The following CARMIL3 variants were observed in gnomAD, a reference collection of about 807,000 sequenced individuals.
CARMIL3 encodes the protein capping protein regulator and myosin 1 linker 3.
A neutral mutation model predicts 180.8 loss-of-function variants in CARMIL3; 88 were observed. That is an observed-to-expected ratio of 0.49 (90% confidence interval 0.41 to 0.58). CARMIL3 has a LOEUF of 0.58. Ranked by LOEUF, CARMIL3 falls within the 20% of genes least tolerant of loss-of-function variation. CARMIL3 has a pLI of 0.00. For missense variants in CARMIL3, 1,548 were observed against 1,787.0 expected (o/e 0.87, Z 2.41); for synonymous variants, 696 against 714.5 (o/e 0.97, Z 0.41).
chr14:24,053,477 G>A (rs775805313), intron 1 of CARMIL3, among the ~76,000 whole-genome samples: 13 of 152,180 alleles, frequency 8.5e-5, no homozygotes, highest in Admixed American at 3.3e-4. Context: ...ATCAGGAGCC[G>A]GAGTTTTCTC....
In CARMIL3 at chr14:24,057,187, C is replaced by T; in HGVS notation, c.1083C>T (p.Ala361=). The T allele has an allele frequency of 6.2e-7, 1 of 1,614,052 alleles. No homozygotes were observed. Among genetic ancestry groups the T allele is most frequent in the African/African-American group, 1.3e-5 (1 of 75,024 alleles). The part of the protein sequence containing the change: ...DEANALYSFL[A]QPNALVHLDL... ...TCCAGGCCCTCTACAGTTTCCTGGC[C>T]CAACCCAACGCCCTGGTGCACCTGG... Residue 361 remains alanine (A), a synonymous_variant, in exon 14 of 40, where the codon GCC becomes GCT. Coordinates refer to ENST00000342740, the MANE Select transcript of CARMIL3 (RefSeq NM_138360.4).
chr14:24,060,249 C>T lies in CARMIL3; in HGVS notation c.2055C>T (p.Ala685=), dbSNP rs368927916. The T allele has an allele frequency of 4.5e-5, 73 of 1,613,980 alleles. No homozygotes were observed. The Middle Eastern group carries it at 9.9e-4, about 22-fold the overall frequency. ...RLQQGLVTSS[A]EQMLQRLCGR... ...AGCAGGGCCTGGTGACCAGCAGCGC[C>T]GAGCAAGTAAACGTTTCCCTCTGGG... The change falls in exon 24 of 40, where the codon GCC becomes GCT. Residue 685 remains alanine (A), a synonymous_variant. Transcript: ENST00000342740.
intron 36 of CARMIL3, 119 bp downstream of exon 36, chr14:24,066,775 A>ACGCAGTGAGAAGTCAG: frequency 1.0e-6 from 1 of 998,664 alleles, no homozygotes; most frequent in South Asian, 1.5e-5. Context: ...TGAGAAGTCA[A>ACGCAGTGAGAAGTCAG]CACAGTGAAA....
rs182863944 is a variant in CARMIL3 at position 24,062,078 on chromosome 14, A to G, written c.2481-402A>G. The G allele has an allele frequency of 1.0e-3, 313 of 312,168 alleles. 1 individual carries two copies. Among genetic ancestry groups the G allele is most frequent in the Admixed American group, 1.5e-3 (33 of 21,920 alleles). 19.3% of individuals were successfully genotyped at this position (312,168 alleles called of 1,614,324 possible). ...TGCCACCACTCACCAAACCAAAGGA[A>G]AACTAGTACACATACCTATGAAACA... On this transcript the variant is annotated intron_variant, in intron 27 of 39. Coordinates refer to ENST00000342740, the MANE Select transcript of CARMIL3 (RefSeq NM_138360.4).
rs12431777 is a variant in CARMIL3 at position 24,053,983 on chromosome 14, G to C, written c.136-105G>C. 15 of 1,346,952 alleles carry C rather than the reference G, an allele frequency of 1.1e-5. No homozygotes were observed. In the South Asian group the frequency reaches 1.9e-4, roughly 17 times the overall value. 83.4% of individuals were successfully genotyped at this position (1,346,952 alleles called of 1,614,324 possible). The stretch of plus-strand genomic sequence containing the variant: ...GTCCAGAAGTCTAGGGTAGGGCATC[G>C]GGTTGGGGAGACACTCCAAGAGCAG... On this transcript the variant is annotated intron_variant, in intron 2 of 39. Coordinates refer to ENST00000342740, the MANE Select transcript of CARMIL3 (RefSeq NM_138360.4).
In CARMIL3 at chr14:24,066,562, T is replaced by C. The variant is rs745672702; in HGVS notation, c.3593-5T>C. 6.2e-7 allele frequency: 1 copy of C among 1,614,064 alleles called. No homozygotes were observed. The highest frequency in any genetic ancestry group is 8.5e-7 in the Non-Finnish European group (1 of 1,179,972). On this transcript the variant is annotated splice_region_variant and splice_polypyrimidine_tract_variant and intron_variant, in intron 35 of 39. Transcript: ENST00000342740. ...TCTCTTTCTCATCCCCTCTCTCTACTCCAGGGCCTGGATCCTGGAAGCCCC... is the reference window on the plus strand; with the variant it reads ...TCTCTTTCTCATCCCCTCTCTCTACCCCAGGGCCTGGATCCTGGAAGCCCC...
In CARMIL3 at chr14:24,066,605, A is replaced by G; in HGVS notation, c.3631A>G (p.Thr1211Ala). The change falls in exon 36 of 40, where the codon ACC (threonine) becomes GCC (alanine). Residue 1211 changes from threonine to alanine, a missense_variant. Around this residue, in one of 4 missense-constraint regions of CARMIL3, gnomAD observed 668 missense variants for 687.8 expected, o/e 0.97. Transcript: ENST00000342740. The stretch of plus-strand genomic sequence containing the variant: ...GAAGCCCCCACCACCGCCCCAAAGC[A>G]CCAAACCAAGCTTCAGCGCCATGCG... ...SWKPPPPPQSTKPSFSAMRRA... is the reference protein window; with the variant it reads ...SWKPPPPPQSAKPSFSAMRRA... The G allele has an allele frequency of 1.3e-5, 21 of 1,614,104 alleles. No homozygotes were observed. Among genetic ancestry groups the G allele is most frequent in the Non-Finnish European group, 1.7e-5 (20 of 1,180,008 alleles).
chr14:24,068,215 G>A (rs955987035), intron 36 of CARMIL3, among the ~76,000 whole-genome samples: 3 of 152,120 alleles, frequency 2.0e-5, no homozygotes, highest in African/African-American at 4.8e-5. Flanking sequence ...TGGCCAACAC[G>A]GTGAAACCCT....
At position 24,062,757 on chromosome 14, in the gene CARMIL3, C is replaced by G. The variant is rs148646657; in HGVS notation, c.2617C>G (p.Pro873Ala). The change falls in exon 29 of 40, where the codon CCA becomes GCA. Residue 873 changes from proline (P) to alanine (A), a missense_variant. Transcript: ENST00000342740. ...GACGCTGTCAGATCCACCAGGGTGC[C>G]CAGGCCAAGGGCAGGATCTGTCCTC... ...LRTLSDPPGC[P>A]GQGQDLSSRG... 50 of 1,613,578 alleles carry G rather than the reference C, an allele frequency of 3.1e-5. No homozygotes were observed. In the African/African-American group the frequency reaches 6.3e-4, roughly 20 times the overall value.
At position 24,060,030 on chromosome 14, in the gene CARMIL3, C is replaced by A; in HGVS notation, c.1929C>A (p.Ser643Arg). 1 of 1,613,962 alleles carries A rather than the reference C, an allele frequency of 6.2e-7. No homozygotes were observed. The highest frequency in any genetic ancestry group is 8.5e-7 in the Non-Finnish European group (1 of 1,180,032). ...GCGACATCTCCCAAGCCTATCGCAG[C>A]GCGCCTGAGCGCACCGAGGACGTCT... ...PVSDISQAYR[S>R]APERTEDVWQ... The change falls in exon 23 of 40, where the codon AGC (serine) becomes AGA (arginine). Residue 643 changes from serine (S) to arginine (R), a missense_variant. This residue lies in a region of CARMIL3 where 297 missense variants were observed against 415.9 expected (regional missense o/e 0.71). Transcript: ENST00000342740.
Position 24,069,158 on chromosome 14 carries a change from G to A in CARMIL3, c.4004G>A (p.Arg1335Gln), listed in dbSNP as rs200997051. The change falls in exon 39 of 40, where the codon CGG (arginine) becomes CAG (glutamine). Residue 1335 changes from arginine to glutamine, a missense_variant. By Grantham distance (43) the Arg-to-Gln change is conservative. Coordinates refer to ENST00000342740, the MANE Select transcript of CARMIL3 (RefSeq NM_138360.4). The stretch of plus-strand genomic sequence containing the variant: ...TCAGGGCCCCCTGATCCAGGCCGGC[G>A]GACTGCCCCCCTGAAGCCCAAGAGG... ...EVQGPPDPGR[R>Q]TAPLKPKRTR... is the part of the protein sequence containing the mutation. 2.2e-5 allele frequency: 35 copies of A among 1,613,986 alleles called. 1 individual carries two copies. The highest frequency in any genetic ancestry group is 1.6e-4 in the South Asian group (15 of 91,080).
intron 36 of CARMIL3, among the ~76,000 whole-genome samples, chr14:24,067,243 G>A (rs1275356361): frequency 6.6e-6 from 1 of 152,220 alleles, no homozygotes; most frequent in Non-Finnish European, 1.5e-5. Context: ...TAAAAGGGAG[G>A]GGATTATCCC....
rs915763641 is a variant in CARMIL3 at position 24,053,878 on chromosome 14, G to A, written c.135+75G>A. On this transcript the variant is annotated intron_variant, in intron 2 of 39. Coordinates refer to ENST00000342740, the MANE Select transcript of CARMIL3 (RefSeq NM_138360.4). ...CTGGCCAGTAGAGGGCAGGGAGCCGGGAGGACAGAAGAGACAGAAGTGGGT... is the reference window on the plus strand; with the variant it reads ...CTGGCCAGTAGAGGGCAGGGAGCCGAGAGGACAGAAGAGACAGAAGTGGGT... The A allele has an allele frequency of 4.4e-6, 6 of 1,372,516 alleles. No homozygotes were observed. In the Admixed American group the frequency reaches 8.2e-5, roughly 19 times the overall value. The allele number at this position is 1,372,516 out of a possible 1,614,324, so 85.0% of individuals were successfully genotyped here.
chr14:24,060,669 G>C lies in CARMIL3; in HGVS notation c.2103G>C (p.Arg701=), dbSNP rs2035723817. Residue 701 remains arginine, a synonymous_variant, in exon 25 of 40, where the codon CGG becomes CGC. Transcript: ENST00000342740. ...GTGGACGAGTGCAGGAGGAGGTGCG[G>C]GCCCTGAGACTATGCCCCCTGGAGC... The part of the protein sequence containing the change: ...RLCGRVQEEV[R]ALRLCPLEPV... The C allele has an allele frequency of 6.2e-7, 1 of 1,613,960 alleles. No homozygotes were observed. Among genetic ancestry groups the C allele is most frequent in the East Asian group, 2.2e-5 (1 of 44,866 alleles).
intron 31 of CARMIL3, among the ~76,000 whole-genome samples, 200 bp downstream of exon 31, chr14:24,063,733 C>T (rs958013376): frequency 9.9e-5 from 15 of 152,134 alleles, no homozygotes; most frequent in African/African-American, 3.4e-4. Flanking sequence ...CTCTGTCTGC[C>T]GGGCAGTGTC....
chr14:24,057,600 C>A (rs1011299006), intron 14 of CARMIL3, among the ~76,000 whole-genome samples: 8 of 152,126 alleles, frequency 5.3e-5, no homozygotes, highest in African/African-American at 1.9e-4. Flanking sequence ...CCCCTGGAAG[C>A]CAGGCAGGGA....
rs2035674938 is a variant in CARMIL3, at chr14:24,056,670, C to T, written c.914C>T (p.Thr305Ile). ...CTCCTCTGCTTCCCCTCTGGCCTCA[C>T]CAAACTGTGCCTGGCCAAGACTGCC... ...QQLLCFPSGL[T>I]KLCLAKTAIS... is the part of the protein sequence containing the mutation. The change falls in exon 12 of 40, where the codon ACC (threonine) becomes ATC (isoleucine). Residue 305 changes from threonine to isoleucine, a missense_variant. Transcript: ENST00000342740. 2 of 1,613,696 alleles carry T rather than the reference C, an allele frequency of 1.2e-6. No homozygotes were observed. Among genetic ancestry groups the T allele is most frequent in the East Asian group, 2.2e-5 (1 of 44,898 alleles).
rs754355623 is a variant in CARMIL3 at position 24,056,338 on chromosome 14, C to T, written c.810C>T (p.Asn270=). 6 of 1,613,984 alleles carry T rather than the reference C, an allele frequency of 3.7e-6. No individual in the cohort carries two copies. The South Asian group carries it at 4.4e-5, about 12-fold the overall frequency. ...VQKLAGVFGE[N]GSCVLHALTL... Reference sequence around the variant, plus strand: ...AGCTGGCCGGGGTGTTTGGGGAGAACGGGAGCTGTGTGCTGCATGCCCTCA... The same window carrying T: ...AGCTGGCCGGGGTGTTTGGGGAGAATGGGAGCTGTGTGCTGCATGCCCTCA... The change falls in exon 11 of 40, where the codon AAC becomes AAT. Residue 270 remains asparagine, a synonymous_variant. Transcript: ENST00000342740.
At position 24,061,762 on chromosome 14, in the gene CARMIL3, A is replaced by G; in HGVS notation, c.2480+90A>G. 3 of 1,325,276 alleles carry G rather than the reference A, an allele frequency of 2.3e-6. No individual in the cohort carries two copies. The highest frequency in any genetic ancestry group is 3.1e-6 in the Non-Finnish European group (3 of 957,910). 82.1% of individuals were successfully genotyped at this position (1,325,276 alleles called of 1,614,324 possible). A position where few individuals can be genotyped will look rare whatever the true frequency, so the allele number is the denominator to read the frequency against. ...ACTGGAGAGCTATCAGCAATGAATA[A>G]TGAATGGCACAATCTCCATTACAAG... is the stretch of plus-strand genomic sequence containing the variant. On this transcript the variant is annotated intron_variant, in intron 27 of 39. Coordinates refer to ENST00000342740, the MANE Select transcript of CARMIL3 (RefSeq NM_138360.4). The surrounding 1 kb of genome is among the most constrained non-coding windows in gnomAD (Gnocchi z 4.1).
Sources: gnomAD v4.1 joint callset for allele counts (sites outside exome capture counted in the v4.1 genomes callset) on GRCh38, gnomAD v4.1.1 for gene constraint, gnomAD v4.1.1 regional missense constraint, Gnocchi (gnomAD v3.1) non-coding constraint, MANE v1.5 for transcripts, NCBI Gene and HGNC (gene_info 2026-07-23, HGNC 2026-07-21) for gene names.